C5: variants seen among roughly 807,000 people sequenced by gnomAD.
The protein encoded by C5 is C3 and PZP-like alpha-2-macroglobulin domain-containing protein 4.
A neutral mutation model predicts 218.8 loss-of-function variants in C5; 140 were observed. The ratio of observed to expected loss-of-function variants is 0.64; its 90% CI spans 0.56 to 0.74. The LOEUF (loss-of-function observed/expected upper bound fraction) is 0.74, where lower values mean the gene tolerates loss of function less well. Ranked by LOEUF, C5 falls within the 30% of genes least tolerant of loss-of-function variation. C5 has a pLI of 0.00. For synonymous variants in C5, 614 were observed against 682.3 expected (o/e 0.90, Z 1.56); for missense variants, 1,700 against 1,969.6 (o/e 0.86, Z 2.59).
chr9:121,031,866 C>A (rs1348302404), intron 6 of C5, among the ~76,000 whole-genome samples: 3 of 152,194 alleles, frequency 2.0e-5, no homozygotes, highest in Non-Finnish European at 4.4e-5. Context: ...GAGTTCAAGA[C>A]CAGCCTGGCC....
chr9:121,001,332 G>T (rs2047159537), intron 20 of C5, among the ~76,000 whole-genome samples: 1 of 152,038 alleles, frequency 6.6e-6, no homozygotes, highest in South Asian at 2.1e-4. Flanking sequence ...CAAAAGAAAG[G>T]ATATTAAAGT....
chr9:121,053,199 T>A (rs1157154403), upstream of C5, among the ~76,000 whole-genome samples: 1 of 152,122 alleles, frequency 6.6e-6, no homozygotes, highest in Non-Finnish European at 1.5e-5. Context: ...GACACGGGAA[T>A]CATACAAGTT....
intron 4 of C5, 72 bp from the exon 5 acceptor site, chr9:121,034,966 T>G (rs1394485733): frequency 6.9e-6 from 5 of 720,020 alleles, no homozygotes; most frequent in African/African-American, 1.8e-5. Flanking sequence ...TATACAATCT[T>G]TGATGTACAA....
At chr9:120,953,612 A>G in intron 40 of C5, 118 bp downstream of exon 40, 2 of 1,026,116 alleles carry the variant, frequency 1.9e-6, no homozygotes, top group Non-Finnish European at 3.0e-6. Context: ...AATATTATTT[A>G]GTTCAAAATG....
chr9:120,995,693 A>C (rs1425606469), intron 22 of C5, among the ~76,000 whole-genome samples: 1 of 152,058 alleles, frequency 6.6e-6, no homozygotes, highest in Non-Finnish European at 1.5e-5. Flanking sequence ...GAAGTCATGC[A>C]ATTGTTACTA....
intron 17 of C5, 50 bp from the exon 18 acceptor site, chr9:121,008,548 T>C (rs759289116): frequency 3.7e-6 from 5 of 1,345,782 alleles, no homozygotes; most frequent in Middle Eastern, 1.8e-4. Context: ...TAAATTCTAC[T>C]TATAGGTGAA....
intron 22 of C5, among the ~76,000 whole-genome samples, chr9:120,992,815 C>T (rs1459339003): frequency 6.6e-6 from 1 of 151,958 alleles, no homozygotes; most frequent in Non-Finnish European, 1.5e-5. Flanking sequence ...AGAGAAAGAC[C>T]TCTTAAAGAT....
rs1588172904 is a variant in C5, at chr9:120,976,850, A to C, written c.3714T>G (p.Ser1238=). 1.2e-6 allele frequency: 2 copies of C among 1,614,116 alleles called. No individual in the cohort carries two copies. Among genetic ancestry groups the C allele is most frequent in the Non-Finnish European group, 1.7e-6 (2 of 1,179,922 alleles). The stretch of plus-strand genomic sequence containing the variant: ...TACGTGCCGTACCAGTGTTAGGTAC[A>C]GAGCTGTCTTTATGCTGAAGATTGT... ...WKDNLQHKDS[S]VPNTGTARMV... The change falls in exon 29 of 41, where the codon TCT becomes TCG. Residue 1238 remains serine (S), a synonymous_variant. Coordinates refer to ENST00000223642, the MANE Select transcript of C5 (RefSeq NM_001735.3).
chr9:120,966,272 A>G (rs2269063), intron 33 of C5, among the ~76,000 whole-genome samples: 13,232 of 152,250 alleles, frequency 0.087, 1,347 homozygotes, highest in African/African-American at 0.23. Context: ...TCTTTTGTAT[A>G]TTGATAATCT....
At chr9:121,054,025 CT>C (rs1321912471), upstream of C5, among the ~76,000 whole-genome samples, 1 of 152,038 alleles carries the variant, frequency 6.6e-6, no homozygotes, top group Non-Finnish European at 1.5e-5. Context: ...AACTTGCCCC[CT>C]ATTGACTGAA....
the C5 span, chr9:121,074,819 C>T: frequency 2.2e-6 from 1 of 456,004 alleles, no homozygotes; most frequent in Admixed American, 2.3e-5. Flanking sequence ...AAGCCTCGCG[C>T]CCAAGACTCC....
At chr9:121,018,813 T>G (rs1429961042) in intron 12 of C5, among the ~76,000 whole-genome samples, 1 of 147,372 alleles carries the variant, frequency 6.8e-6, no homozygotes, top group Non-Finnish European at 1.5e-5. Flanking sequence ...AAGAGTGAGT[T>G]AACGTTTATG....
intron 6 of C5, among the ~76,000 whole-genome samples, 168 bp downstream of exon 6, chr9:121,031,945 T>A (rs2047478630): frequency 6.6e-6 from 1 of 152,086 alleles, no homozygotes; most frequent in Admixed American, 6.6e-5. Context: ...GTGCCTGTAA[T>A]CCCAGCTACT....
At chr9:121,064,333 T>C in the C5 span, among the ~76,000 whole-genome samples, 33 of 152,296 alleles carry the variant, frequency 2.2e-4, no homozygotes, top group East Asian at 4.2e-3. Context: ...ACAATACTTG[T>C]TATAGCTCCA....
intron 31 of C5, among the ~76,000 whole-genome samples, chr9:120,971,319 C>T (rs906747027): frequency 1.3e-5 from 2 of 151,478 alleles, no homozygotes; most frequent in Non-Finnish European, 2.9e-5. Context: ...CACATATGTA[C>T]ACAGATATAT....
In C5 at chr9:120,952,473, TGAG is replaced by T; in HGVS notation, c.*263_*265del. 2.6e-6 allele frequency: 1 copy of T among 387,974 alleles called. No homozygotes were observed. The highest frequency in any genetic ancestry group is 2.2e-5 in the South Asian group (1 of 46,090). The allele number at this position is 387,974 out of a possible 1,614,324, so 24.0% of individuals were successfully genotyped here. On this transcript the variant is annotated 3_prime_UTR_variant, in exon 41 of 41. Coordinates refer to ENST00000223642, the MANE Select transcript of C5 (RefSeq NM_001735.3). ...AGCAAACATTCCTGAGTGGTAGGTT[TGAG>T]GAGGTGTTCCAATTTATTGTTTCCG... is the stretch of plus-strand genomic sequence containing the variant.
chr9:120,953,707 A>C (rs748416336), intron 40 of C5, 23 bp downstream of exon 40: 10 of 1,612,750 alleles, frequency 6.2e-6, no homozygotes, highest in African/African-American at 1.3e-5. Flanking sequence ...AAGATCAGTG[A>C]CTGAAAAATA....
At chr9:121,026,726 C>T (rs1462442541) in intron 8 of C5, among the ~76,000 whole-genome samples, 2 of 152,082 alleles carry the variant, frequency 1.3e-5, no homozygotes, top group Admixed American at 6.5e-5. Context: ...GCTATACAGC[C>T]GGGGCAGCTA....
the C5 span, among the ~76,000 whole-genome samples, chr9:121,055,923 A>G: frequency 1.3e-5 from 2 of 152,210 alleles, no homozygotes; most frequent in African/African-American, 4.8e-5. Flanking sequence ...AAGAGAGGGA[A>G]GAGAGAAAGA....
Sources: gnomAD v4.1 joint callset for allele counts (sites outside exome capture counted in the v4.1 genomes callset) on GRCh38, gnomAD v4.1.1 for gene constraint, MANE v1.5 for transcripts, NCBI Gene and HGNC (gene_info 2026-07-23, HGNC 2026-07-21) for gene names.